DSG3: variants seen among roughly 807,000 people sequenced by gnomAD.
The protein encoded by DSG3 is desmoglein 3.
A neutral mutation model predicts 85.9 loss-of-function variants in DSG3; 63 were observed. The ratio of observed to expected loss-of-function variants is 0.73; its 90% CI spans 0.60 to 0.90. The LOEUF (loss-of-function observed/expected upper bound fraction) is 0.90, where lower values mean the gene tolerates loss of function less well. Among genes scored for constraint, DSG3 ranks in the 40% least tolerant of loss-of-function variants. DSG3 has a pLI of 0.00. For synonymous variants in DSG3, 447 were observed against 441.9 expected (o/e 1.01, Z -0.14); for missense variants, 1,220 against 1,219.9 (o/e 1.00, Z 0.00).
At position 31,457,142 on chromosome 18, in the gene DSG3, G is replaced by T. The variant is rs756200659; in HGVS notation, c.216+18G>T. 2.5e-6 allele frequency: 4 copies of T among 1,595,934 alleles called. No homozygotes were observed. In the Admixed American group the frequency reaches 7.2e-5, roughly 29 times the overall value. On this transcript the variant is annotated intron_variant, in intron 3 of 15. Coordinates refer to ENST00000257189, the MANE Select transcript of DSG3 (RefSeq NM_001944.3). Reference sequence around the variant, plus strand: ...TTGCCAAGGTAAGTTATATCAACAGGAGCGTATGAGTTTTTAGAATAAATG... The same window carrying T: ...TTGCCAAGGTAAGTTATATCAACAGTAGCGTATGAGTTTTTAGAATAAATG...
chr18:31,452,385 G>T (rs376778668), intron 1 of DSG3, among the ~76,000 whole-genome samples: 10 of 151,966 alleles, frequency 6.6e-5, no homozygotes, highest in African/African-American at 2.4e-4. Context: ...TGGGCTTGGT[G>T]GTGCGCACCT....
At chr18:31,473,913 T>A (rs3810005) in intron 14 of DSG3, among the ~76,000 whole-genome samples, 2 of 152,120 alleles carry the variant, frequency 1.3e-5, no homozygotes, top group African/African-American at 4.8e-5. Flanking sequence ...ATTAGTATAT[T>A]TTTAGAGCTT....
chr18:31,449,517 GA>G (rs1236104060), intron 1 of DSG3, among the ~76,000 whole-genome samples: 1 of 151,978 alleles, frequency 6.6e-6, no homozygotes, highest in African/African-American at 2.4e-5. Flanking sequence ...TTACTCCTCT[GA>G]TTCTGGAGTG....
intron 11 of DSG3, among the ~76,000 whole-genome samples, chr18:31,468,548 A>G (rs2072835981): frequency 6.6e-6 from 1 of 152,142 alleles, no homozygotes; most frequent in Non-Finnish European, 1.5e-5. Context: ...AGATTTACCC[A>G]CTTGAACCCA....
In DSG3 at chr18:31,473,255, A is replaced by T. The variant is rs563593449; in HGVS notation, c.2101+467A>T. On this transcript the variant is annotated intron_variant, in intron 14 of 15. Transcript: ENST00000257189. Reference sequence around the variant, plus strand: ...CCCTTCTTTCTTCCCCAGAACTAACAGTATCCTGATTTCAGTTCAATTACT... The same window carrying T: ...CCCTTCTTTCTTCCCCAGAACTAACTGTATCCTGATTTCAGTTCAATTACT... Among the ~76,000 whole-genome samples, 31 of 152,344 alleles carry T rather than the reference A, an allele frequency of 2.0e-4. No individual in the cohort carries two copies. In the South Asian group the frequency reaches 3.3e-3, roughly 16 times the overall value.
chr18:31,457,585 CTTCTTTCTTTCTTTCTTTCT>C (rs11369657), intron 3 of DSG3, among the ~76,000 whole-genome samples: 176 of 61,184 alleles, frequency 2.9e-3, no homozygotes, highest in African/African-American at 9.8e-3. Flanking sequence ...TTCTTTCTTT[CTTCTTTCTTTCTTTCTTTCT>C]TTCTTTCTTT....
intron 9 of DSG3, among the ~76,000 whole-genome samples, chr18:31,464,964 C>T (rs539134928): frequency 2.0e-5 from 3 of 151,452 alleles, no homozygotes; most frequent in South Asian, 4.2e-4. Flanking sequence ...TGAAGAAACC[C>T]CATCTCTACT....
chr18:31,462,732 T>A (rs2072794081), intron 8 of DSG3, among the ~76,000 whole-genome samples: 1 of 152,216 alleles, frequency 6.6e-6, no homozygotes, highest in Non-Finnish European at 1.5e-5. Context: ...TGCCCTGGCC[T>A]GGCTTTTCCT....
intron 1 of DSG3, among the ~76,000 whole-genome samples, chr18:31,449,812 C>T (rs1455750116): frequency 6.6e-6 from 1 of 152,148 alleles, no homozygotes; most frequent in African/African-American, 2.4e-5. Context: ...GTGGTCTAGA[C>T]CTACTCTGTC....
rs959252387 is a variant in DSG3 at position 31,477,811 on chromosome 18, C to G, written c.*1551C>G. ...CACCTGCTTACTGACATTGTCTTAG[C>G]TGATCACAAGATCATTATCAGCCTC... On this transcript the variant is annotated 3_prime_UTR_variant, in exon 16 of 16. Transcript: ENST00000257189. The G allele has an allele frequency of 1.3e-5, 2 of 152,226 alleles. No homozygotes were observed. Among genetic ancestry groups the G allele is most frequent in the Non-Finnish European group, 2.9e-5 (2 of 68,046 alleles). 9.4% of individuals were successfully genotyped at this position (152,226 alleles called of 1,614,324 possible). A position where few individuals can be genotyped will look rare whatever the true frequency, so the allele number is the denominator to read the frequency against.
chr18:31,462,427 G>A (rs941058345), intron 8 of DSG3, among the ~76,000 whole-genome samples: 1 of 152,158 alleles, frequency 6.6e-6, no homozygotes, highest in African/African-American at 2.4e-5. Flanking sequence ...CTTAAATCCA[G>A]TTGAGTGACA....
rs1171507443 is a variant in DSG3 at position 31,447,925 on chromosome 18, G to A, written c.48G>A (p.Val16=). The change falls in exon 1 of 16, where the codon GTG becomes GTA. Residue 16 remains valine (V), a splice_region_variant and synonymous_variant. Coordinates refer to ENST00000257189, the MANE Select transcript of DSG3 (RefSeq NM_001944.3). ...CTACAGGGGCTCTGGCCATCTTCGT[G>A]GTAAGTCCTGGATTTTCCTAATAAT... ...PRTTGALAIF[V]VVILVHGELR... 6.3e-7 allele frequency: 1 copy of A among 1,579,690 alleles called. No individual in the cohort carries two copies. The highest frequency in any genetic ancestry group is 8.6e-7 in the Non-Finnish European group (1 of 1,165,034).
intron 3 of DSG3, among the ~76,000 whole-genome samples, chr18:31,457,737 C>T (rs2144267503): frequency 6.6e-6 from 1 of 152,038 alleles, no homozygotes; most frequent in South Asian, 2.1e-4. Flanking sequence ...AAGCAATTCT[C>T]CTGCCTCAGC....
In DSG3 at chr18:31,460,937, C is replaced by T. The variant is rs1309966507; in HGVS notation, c.789C>T (p.Asn263=). 1.7e-5 allele frequency: 27 copies of T among 1,602,768 alleles called. No individual in the cohort carries two copies. Among genetic ancestry groups the T allele is most frequent in the Non-Finnish European group, 2.1e-5 (25 of 1,176,970 alleles). Reference sequence around the variant, plus strand: ...TTAAAGTGAAAGATGTCAACGATAACTTCCCAATGTTTAGAGACTCTCAGG... The same window carrying T: ...TTAAAGTGAAAGATGTCAACGATAATTTCCCAATGTTTAGAGACTCTCAGG... ...CNIKVKDVND[N]FPMFRDSQYS... Residue 263 remains asparagine (N), a synonymous_variant, in exon 7 of 16, where the codon AAC becomes AAT. Coordinates refer to ENST00000257189, the MANE Select transcript of DSG3 (RefSeq NM_001944.3).
At position 31,456,508 on chromosome 18, in the gene DSG3, T is replaced by C. The variant is rs376905859; in HGVS notation, c.84+33T>C. ...ATGAAAAAGGTTTTTGTACTTAAAA[T>C]AATAGTTTAGTTTAAAAAAAAATTA... On this transcript the variant is annotated intron_variant, in intron 2 of 15. Transcript: ENST00000257189. 4.0e-6 allele frequency: 5 copies of C among 1,238,936 alleles called. No homozygotes were observed. The African/African-American group carries it at 6.2e-5, about 15-fold the overall frequency. The allele number at this position is 1,238,936 out of a possible 1,614,324, so 76.7% of individuals were successfully genotyped here.
chr18:31,449,559 T>C (rs2144257434), intron 1 of DSG3, among the ~76,000 whole-genome samples: 1 of 152,348 alleles, frequency 6.6e-6, no homozygotes, highest in Non-Finnish European at 1.5e-5. Flanking sequence ...AGGCTAATTT[T>C]TATTTTTATA....
intron 1 of DSG3, 90 bp downstream of exon 1, chr18:31,448,015 A>G: frequency 9.7e-7 from 1 of 1,027,438 alleles, no homozygotes; most frequent in East Asian, 3.0e-5. Flanking sequence ...TCTTTATTAT[A>G]AATTCTAAAA....
chr18:31,453,959 T>A (rs903838552), intron 1 of DSG3, among the ~76,000 whole-genome samples: 2 of 152,030 alleles, frequency 1.3e-5, no homozygotes, highest in Non-Finnish European at 2.9e-5. Flanking sequence ...AAATTGTTTT[T>A]AAAATGTCCA....
chr18:31,458,968 T>C (rs1305927466), intron 4 of DSG3, 65 bp from the exon 5 acceptor site: 1 of 1,553,294 alleles, frequency 6.4e-7, no homozygotes. Flanking sequence ...GCCTTATTTA[T>C]ACAAGTTTTA....
Sources: gnomAD v4.1 joint callset for allele counts (sites outside exome capture counted in the v4.1 genomes callset) on GRCh38, gnomAD v4.1.1 for gene constraint, MANE v1.5 for transcripts, NCBI Gene and HGNC (gene_info 2026-07-23, HGNC 2026-07-21) for gene names.